The following MSRA variants were observed in gnomAD, a reference collection of about 807,000 sequenced individuals.
The protein encoded by MSRA is methionine sulfoxide reductase A.
In MSRA, 54 loss-of-function variants were observed where a neutral mutation model predicts 31.3. The ratio of observed to expected loss-of-function variants is 1.73; its 90% confidence interval spans 1.39 to 2.17. The LOEUF is 2.17. Among genes scored for constraint, MSRA ranks in the 30% most tolerant of loss-of-function variants. The probability of loss-of-function intolerance (pLI) is 0.00; values close to 1 mark genes in which losing one functional copy is unlikely to be tolerated. For synonymous variants in MSRA, 169 were observed against 116.5 expected (o/e 1.45, Z -2.90); for missense variants, 507 against 300.9 (o/e 1.69, Z -5.07).
At chr8:10,165,655 G>A (rs1057119980) in intron 1 of MSRA, among the ~76,000 whole-genome samples, 2 of 152,106 alleles carry the variant, frequency 1.3e-5, no homozygotes, top group African/African-American at 2.4e-5. Context: ...CCGAGTCTAC[G>A]TCCTAACCCC....
At position 10,265,732 on chromosome 8, in the gene MSRA, C is replaced by A. The variant is rs573670169; in HGVS notation, c.331+20509C>A. 2.0e-5 allele frequency among the ~76,000 whole-genome samples: 3 copies of A among 152,344 alleles called. No individual in the cohort carries two copies. The East Asian group carries it at 5.8e-4, about 29-fold the overall frequency. On this transcript the variant is annotated intron_variant, in intron 3 of 5. Transcript: ENST00000317173. ...CAGATCCATTCCCCAAAAAAAGTTA[C>A]CTCGCATGCCTTCATCATTCCTCCC... is the stretch of plus-strand genomic sequence containing the variant.
intron 1 of MSRA, among the ~76,000 whole-genome samples, chr8:10,151,381 C>G (rs527245448): frequency 6.6e-6 from 1 of 151,800 alleles, no homozygotes; most frequent in Non-Finnish European, 1.5e-5. Context: ...TGGTGGCTCA[C>G]GCCTGTCATC....
At chr8:10,394,091 C>G (rs996290807) in intron 5 of MSRA, among the ~76,000 whole-genome samples, 1 of 152,214 alleles carries the variant, frequency 6.6e-6, no homozygotes, top group Admixed American at 6.5e-5. Flanking sequence ...AGCTAGACGG[C>G]ATCTGCGTCT....
At chr8:10,191,167 A>G (rs1044041759) in intron 1 of MSRA, among the ~76,000 whole-genome samples, 3 of 152,198 alleles carry the variant, frequency 2.0e-5, no homozygotes, top group Non-Finnish European at 2.9e-5. Context: ...TTTAGATTTT[A>G]TTTTATTTTT....
chr8:10,418,334 A>T (rs1489197010), intron 5 of MSRA, among the ~76,000 whole-genome samples: 1 of 152,054 alleles, frequency 6.6e-6, no homozygotes, highest in Admixed American at 6.5e-5. Context: ...CCTCCTTGCC[A>T]CAAGGGCCTT....
intron 2 of MSRA, among the ~76,000 whole-genome samples, chr8:10,237,388 G>A (rs576196023): frequency 2.6e-5 from 4 of 152,312 alleles, no homozygotes; most frequent in South Asian, 2.1e-4. Flanking sequence ...ACATTTGTAG[G>A]TCAATTATAT....
intron 5 of MSRA, among the ~76,000 whole-genome samples, chr8:10,354,776 AT>A (rs1804411672): frequency 1.4e-5 from 2 of 146,662 alleles, no homozygotes; most frequent in Non-Finnish European, 1.5e-5. Flanking sequence ...ATATATATAT[AT>A]ACCAGTTATA....
At chr8:10,341,181 G>C (rs1380388298) in intron 5 of MSRA, among the ~76,000 whole-genome samples, 1 of 152,190 alleles carries the variant, frequency 6.6e-6, no homozygotes, top group African/African-American at 2.4e-5. Context: ...CTGAGACTGA[G>C]TAATTTATAA....
chr8:10,229,931 C>A (rs114566064), intron 2 of MSRA, among the ~76,000 whole-genome samples: 1 of 152,194 alleles, frequency 6.6e-6, no homozygotes, highest in East Asian at 1.9e-4. Flanking sequence ...TTTCCACTTT[C>A]GAAGCCTCAA....
intron 5 of MSRA, among the ~76,000 whole-genome samples, chr8:10,403,626 C>T (rs949604188): frequency 1.3e-4 from 20 of 152,346 alleles, no homozygotes; most frequent in African/African-American, 4.3e-4. Context: ...CAGCTTGTGC[C>T]TCGTGTGTGT....
intron 1 of MSRA, among the ~76,000 whole-genome samples, chr8:10,189,224 C>G (rs557910518): frequency 2.6e-5 from 4 of 152,296 alleles, no homozygotes; most frequent in Admixed American, 1.3e-4. Flanking sequence ...ATTTGGTGAG[C>G]TTGGTAAACT....
chr8:10,233,021 G>A (rs1405517074), intron 2 of MSRA, among the ~76,000 whole-genome samples: 1 of 152,212 alleles, frequency 6.6e-6, no homozygotes, highest in Non-Finnish European at 1.5e-5. Context: ...TGGTGGTGGT[G>A]ACAGGTAAAT....
chr8:10,227,365 A>G (rs187585407), intron 2 of MSRA, among the ~76,000 whole-genome samples: 3 of 152,278 alleles, frequency 2.0e-5, no homozygotes, highest in Admixed American at 6.5e-5. Context: ...TCAAGCTCTC[A>G]TTAGATCTGT....
Position 10,398,605 on chromosome 8 carries a change from C to G in MSRA, c.544-29543C>G, listed in dbSNP as rs150533793. On this transcript the variant is annotated intron_variant, in intron 5 of 5. Transcript: ENST00000317173. ...ACGCTCTGTGCTGGGGAGATGCTGC[C>G]TGCTGCCAGCAATTCTAGCACCAGC... 3.5e-4 allele frequency among the ~76,000 whole-genome samples: 54 copies of G among 152,314 alleles called. No individual in the cohort carries two copies. In the East Asian group the frequency reaches 9.7e-3, roughly 27 times the overall value.
intron 3 of MSRA, among the ~76,000 whole-genome samples, chr8:10,268,290 A>G (rs889233924): frequency 6.6e-6 from 1 of 152,200 alleles, no homozygotes; most frequent in Admixed American, 6.5e-5. Context: ...ATCTAATAAA[A>G]TTGCTTCTGT....
chr8:10,185,551 T>C (rs942371769), intron 1 of MSRA, among the ~76,000 whole-genome samples: 1 of 152,132 alleles, frequency 6.6e-6, no homozygotes, highest in Non-Finnish European at 1.5e-5. Context: ...CGAGGAATGC[T>C]CAAGGGTGTC....
chr8:10,284,854 C>A (rs1400940648), intron 3 of MSRA, among the ~76,000 whole-genome samples: 1 of 152,068 alleles, frequency 6.6e-6, no homozygotes, highest in Non-Finnish European at 1.5e-5. Flanking sequence ...TATATGTAAA[C>A]CACTTATAGT....
intron 5 of MSRA, among the ~76,000 whole-genome samples, chr8:10,389,279 C>T (rs1330613818): frequency 3.9e-5 from 6 of 152,090 alleles, no homozygotes; most frequent in African/African-American, 7.2e-5. Flanking sequence ...AGTCATCTTC[C>T]GAATGGAGGA....
chr8:10,238,489 C>G (rs951835877), intron 2 of MSRA, among the ~76,000 whole-genome samples: 2 of 152,096 alleles, frequency 1.3e-5, no homozygotes, highest in Admixed American at 1.3e-4. Flanking sequence ...GTGCTTAGAG[C>G]ACTTCCTGGC....
Sources: allele counts gnomAD v4.1 joint callset (sites outside exome capture counted in the v4.1 genomes callset), GRCh38; gene constraint gnomAD v4.1.1; transcripts MANE v1.5; gene names NCBI Gene and HGNC (gene_info 2026-07-23, HGNC 2026-07-21).